The following KPNA1 variants were observed in gnomAD, a reference collection of about 807,000 sequenced individuals.
KPNA1 encodes karyopherin subunit alpha 1.
A neutral mutation model predicts 70.5 loss-of-function variants in KPNA1; 10 were observed. The observed-to-expected ratio is 0.14, with a 90% CI of 0.09 to 0.24. The LOEUF (loss-of-function observed/expected upper bound fraction) is 0.24. Ranked by LOEUF, KPNA1 falls within the 10% of genes least tolerant of loss-of-function variation. The pLI is 1.00. For missense variants in KPNA1, 397 were observed against 637.9 expected, an observed-to-expected ratio of 0.62 and a Z score of 4.07; for synonymous variants, 192 against 221.9, an observed-to-expected ratio of 0.87 and a Z score of 1.20.
intron 2 of KPNA1, among the ~76,000 whole-genome samples, chr3:122,490,560 C>CA (rs1165652651): frequency 6.6e-6 from 1 of 152,178 alleles, no homozygotes; most frequent in Non-Finnish European, 1.5e-5. Context: ...GGAGCTAGTT[C>CA]AAGTTGGCTC....
intron 2 of KPNA1, among the ~76,000 whole-genome samples, chr3:122,491,522 A>C (rs2076697761): frequency 2.6e-5 from 4 of 152,242 alleles, no homozygotes; most frequent in Non-Finnish European, 4.4e-5. Context: ...CATGCAACTA[A>C]TACTACTAGC....
intron 5 of KPNA1, among the ~76,000 whole-genome samples, chr3:122,458,812 T>C (rs2076292483): frequency 6.6e-6 from 1 of 152,160 alleles, no homozygotes; most frequent in Non-Finnish European, 1.5e-5. Flanking sequence ...TCTCTCTCGA[T>C]ATATTTGCCC....
intron 12 of KPNA1, among the ~76,000 whole-genome samples, chr3:122,432,074 T>G (rs529344733): frequency 1.3e-5 from 2 of 152,238 alleles, no homozygotes; most frequent in East Asian, 3.8e-4. Context: ...AGTGGTGGGA[T>G]TACAGACATG....
intron 1 of KPNA1, among the ~76,000 whole-genome samples, chr3:122,513,023 C>T (rs2076972052): frequency 6.6e-6 from 1 of 152,062 alleles, no homozygotes; most frequent in Admixed American, 6.6e-5. Flanking sequence ...GTTTTGATCG[C>T]GACTATATCC....
intron 2 of KPNA1, among the ~76,000 whole-genome samples, chr3:122,469,621 C>A (rs1318068559): frequency 6.6e-6 from 1 of 152,136 alleles, no homozygotes; most frequent in Non-Finnish European, 1.5e-5. Context: ...TGTTATTGGG[C>A]CATGAGAAAC....
At chr3:122,435,288 T>C (rs1214293001) in intron 11 of KPNA1, among the ~76,000 whole-genome samples, 2 of 152,200 alleles carry the variant, frequency 1.3e-5, no homozygotes, top group Non-Finnish European at 2.9e-5. Flanking sequence ...CTGTGTTATA[T>C]CTTTTCCTAC....
intron 2 of KPNA1, among the ~76,000 whole-genome samples, chr3:122,489,030 T>C (rs2076663461): frequency 1.3e-5 from 2 of 148,238 alleles, no homozygotes; most frequent in Admixed American, 1.4e-4. Flanking sequence ...AGTTGTCCCA[T>C]AACTCGCTTG....
At chr3:122,495,211 C>T (rs2076744459) in intron 2 of KPNA1, among the ~76,000 whole-genome samples, 1 of 147,448 alleles carries the variant, frequency 6.8e-6, no homozygotes, top group Non-Finnish European at 1.5e-5. Flanking sequence ...GATCACGCCA[C>T]CATACTCCAT....
intron 2 of KPNA1, 59 bp downstream of exon 2, chr3:122,496,378 C>T: frequency 6.7e-7 from 1 of 1,491,962 alleles, no homozygotes; most frequent in South Asian, 1.1e-5. Context: ...AAGATAGTTT[C>T]AGGCTTAAAA....
chr3:122,512,137 G>C (rs967722826), intron 1 of KPNA1, among the ~76,000 whole-genome samples: 1 of 151,782 alleles, frequency 6.6e-6, no homozygotes, highest in Non-Finnish European at 1.5e-5. Flanking sequence ...ACAGCTCTGA[G>C]ACTCCTGACA....
intron 2 of KPNA1, among the ~76,000 whole-genome samples, chr3:122,471,457 G>C (rs2076441502): frequency 6.6e-6 from 1 of 152,168 alleles, no homozygotes; most frequent in South Asian, 2.1e-4. Context: ...GAACCGACTG[G>C]ATGTGGTTTA....
intron 12 of KPNA1, among the ~76,000 whole-genome samples, chr3:122,429,934 T>A (rs1429007956): frequency 6.6e-6 from 1 of 152,156 alleles, no homozygotes; most frequent in Non-Finnish European, 1.5e-5. Flanking sequence ...CTTTCTTTTT[T>A]AATTATTTTT....
At chr3:122,449,438 A>T in intron 9 of KPNA1, 136 bp downstream of exon 9, 2 of 701,392 alleles carry the variant, frequency 2.9e-6, no homozygotes, top group Non-Finnish European at 2.3e-6. Flanking sequence ...CATCAAAATA[A>T]ACAAGTAACA....
intron 2 of KPNA1, among the ~76,000 whole-genome samples, chr3:122,487,070 T>C (rs1299933764): frequency 6.6e-6 from 1 of 152,130 alleles, no homozygotes; most frequent in Non-Finnish European, 1.5e-5. Context: ...GTAACCTCTA[T>C]AAAAGTAATG....
intron 4 of KPNA1, among the ~76,000 whole-genome samples, chr3:122,463,216 C>T (rs181219220): frequency 6.6e-5 from 10 of 152,128 alleles, no homozygotes; most frequent in African/African-American, 2.4e-4. Context: ...GGCACGGTGG[C>T]GAGCGCCTGT....
intron 2 of KPNA1, among the ~76,000 whole-genome samples, chr3:122,496,013 A>G (rs967648752): frequency 6.6e-6 from 1 of 152,224 alleles, no homozygotes; most frequent in Non-Finnish European, 1.5e-5. Flanking sequence ...TGGTTTATGT[A>G]TGAGGTTTAT....
At chr3:122,499,260 A>C (rs2076797213) in intron 1 of KPNA1, among the ~76,000 whole-genome samples, 2 of 152,208 alleles carry the variant, frequency 1.3e-5, no homozygotes, top group Admixed American at 1.3e-4. Flanking sequence ...CCCCTGTCTT[A>C]TGCTAGACCT....
rs1032522994 is a variant in KPNA1 at position 122,423,667 on chromosome 3, G to T, written c.*3318C>A. On this transcript the variant is annotated 3_prime_UTR_variant, in exon 14 of 14. Transcript: ENST00000344337. ...TTAGCACTAGAGAAGTAAATTCAAA[G>T]TTGCCTGTGGGTAGACGTACAATAG... 1.3e-5 allele frequency: 2 copies of T among 152,640 alleles called. No individual in the cohort carries two copies. Among genetic ancestry groups the T allele is most frequent in the African/African-American group, 4.8e-5 (2 of 41,446 alleles). 9.5% of individuals were successfully genotyped at this position (152,640 alleles called of 1,614,324 possible).
At chr3:122,438,360 A>G (rs989780253) in intron 10 of KPNA1, among the ~76,000 whole-genome samples, 2 of 151,766 alleles carry the variant, frequency 1.3e-5, no homozygotes, top group African/African-American at 2.4e-5. Context: ...TTTTCTTTAT[A>G]AACTACTCAG....
Sources: gnomAD v4.1 joint callset for allele counts (sites outside exome capture counted in the v4.1 genomes callset) on GRCh38, gnomAD v4.1.1 for gene constraint, MANE v1.5 for transcripts, NCBI Gene and HGNC (gene_info 2026-07-23, HGNC 2026-07-21) for gene names.